The following QTGAL variants were observed in gnomAD, a reference collection of about 807,000 sequenced individuals.
QTGAL encodes the protein BGnT-like protein 1.
the QTGAL span, chr17:82,960,506 T>TGC: frequency 1.4e-5 from 2 of 140,406 alleles, no homozygotes; most frequent in Non-Finnish European, 3.3e-5. Context: ...GAATTCTACA[T>TGC]GCAGTTTCAC....
At chr17:83,001,058 G>C in the QTGAL span, among the ~76,000 whole-genome samples, 1 of 152,186 alleles carries the variant, frequency 6.6e-6, no homozygotes, top group African/African-American at 2.4e-5. Flanking sequence ...TGTCAAAACC[G>C]ATCAAACTGT....
At chr17:83,038,796 T>C in the QTGAL span, among the ~76,000 whole-genome samples, 2 of 151,812 alleles carry the variant, frequency 1.3e-5, no homozygotes, top group African/African-American at 4.8e-5. Context: ...GAGGTGGAGC[T>C]TGCAGTGAGC....
At chr17:83,025,619 C>T in the QTGAL span, among the ~76,000 whole-genome samples, 1 of 93,038 alleles carries the variant, frequency 1.1e-5, no homozygotes, top group East Asian at 3.4e-4. Context: ...ACACGGACAC[C>T]GCGGAGAGTC....
chr17:83,043,985 T>A, the QTGAL span, among the ~76,000 whole-genome samples: 1 of 151,676 alleles, frequency 6.6e-6, no homozygotes, highest in Admixed American at 6.6e-5. Context: ...ATAAAGAGAT[T>A]GACTCAGTAA....
the QTGAL span, among the ~76,000 whole-genome samples, chr17:82,967,697 C>G: frequency 1.3e-5 from 2 of 152,126 alleles, no homozygotes; most frequent in East Asian, 3.8e-4. Flanking sequence ...AATCCCAGCA[C>G]TTTGGGAGTC....
At chr17:83,033,475 C>CT in the QTGAL span, among the ~76,000 whole-genome samples, 48,402 of 145,328 alleles carry the variant, frequency 0.33, 8,973 homozygotes, top group African/African-American at 0.51. Flanking sequence ...AAGTTATATG[C>CT]TTTTTTTTTT....
the QTGAL span, among the ~76,000 whole-genome samples, chr17:83,007,630 C>T: frequency 2.0e-5 from 3 of 152,108 alleles, no homozygotes; most frequent in Admixed American, 6.5e-5. Flanking sequence ...CCCGCTGGGG[C>T]ATGAGAGGCG....
chr17:83,005,238 C>G, the QTGAL span: 2 of 1,575,594 alleles, frequency 1.3e-6, no homozygotes, highest in East Asian at 2.3e-5. The surrounding 1 kb of genome is among the most constrained non-coding windows in gnomAD (Gnocchi z 5.6). Context: ...AGACAGAGCT[C>G]AAAACAAAGT....
At chr17:83,050,735 C>A in the QTGAL span, among the ~76,000 whole-genome samples, 1 of 152,314 alleles carries the variant, frequency 6.6e-6, no homozygotes, top group East Asian at 1.9e-4. Flanking sequence ...GTGTTCGGGG[C>A]TTAAGGGCAG....
At chr17:82,958,880 C>CTG in the QTGAL span, among the ~76,000 whole-genome samples, 1 of 53,376 alleles carries the variant, frequency 1.9e-5, no homozygotes, top group African/African-American at 1.0e-4. Context: ...TGTGTGTACA[C>CTG]TGGGGGTGTA....
chr17:83,038,087 GTAA>G, the QTGAL span, among the ~76,000 whole-genome samples: 1 of 152,168 alleles, frequency 6.6e-6, no homozygotes, highest in African/African-American at 2.4e-5. Flanking sequence ...TGCATGAATC[GTAA>G]TAAGTGAATC....
chr17:83,019,926 G>A, the QTGAL span, among the ~76,000 whole-genome samples: 7 of 152,102 alleles, frequency 4.6e-5, no homozygotes, highest in South Asian at 6.3e-4. Flanking sequence ...TAGAGACAGC[G>A]TTTCACCACG....
chr17:82,993,597 G>C, the QTGAL span, among the ~76,000 whole-genome samples: 2 of 151,958 alleles, frequency 1.3e-5, no homozygotes, highest in African/African-American at 4.8e-5. Context: ...AAATCAACAA[G>C]AAACATTGGA....
chr17:83,002,158 C>T, the QTGAL span, among the ~76,000 whole-genome samples: 1 of 151,738 alleles, frequency 6.6e-6, no homozygotes, highest in Non-Finnish European at 1.5e-5. Flanking sequence ...AACATTGATT[C>T]ATTTTAATTA....
chr17:82,988,431 C>T, the QTGAL span, among the ~76,000 whole-genome samples: 16 of 152,114 alleles, frequency 1.1e-4, no homozygotes, highest in African/African-American at 2.2e-4. Flanking sequence ...CAATACCATT[C>T]GGGACATAGG....
chr17:82,967,676 C>T, the QTGAL span, among the ~76,000 whole-genome samples: 9 of 152,128 alleles, frequency 5.9e-5, no homozygotes, highest in Non-Finnish European at 1.3e-4. Context: ...GGCACAGTGA[C>T]TCACACCTGT....
chr17:82,970,544 G>GCACCCAGCGTGGCCGCGACCTCCC, the QTGAL span, among the ~76,000 whole-genome samples: 13 of 90,808 alleles, frequency 1.4e-4, no homozygotes, highest in African/African-American at 7.0e-4. Flanking sequence ...CGCGACCTCC[G>GCACCCAGCGTGGCCGCGACCTCCC]CACCCGGCGT....
At chr17:82,985,487 T>C in the QTGAL span, among the ~76,000 whole-genome samples, 1 of 152,230 alleles carries the variant, frequency 6.6e-6, no homozygotes, top group South Asian at 2.1e-4. Context: ...TTATTTGTTA[T>C]GACTGGGTCT....
At chr17:82,970,825 C>T in the QTGAL span, among the ~76,000 whole-genome samples, 1 of 152,256 alleles carries the variant, frequency 6.6e-6, no homozygotes, top group Non-Finnish European at 1.5e-5. Context: ...TAAAATGTCA[C>T]TGATAGGACA....
Sources: allele counts gnomAD v4.1 joint callset (sites outside exome capture counted in the v4.1 genomes callset), GRCh38; gene constraint gnomAD v4.1.1; non-coding constraint Gnocchi (gnomAD v3.1); transcripts MANE v1.5; gene names NCBI Gene and HGNC (gene_info 2026-07-23, HGNC 2026-07-21).